The following CDH12 variants were observed in gnomAD, a reference collection of about 807,000 sequenced individuals.
The protein encoded by CDH12 is cadherin-12.
A neutral mutation model predicts 74.1 loss-of-function variants in CDH12; 41 were observed. That is an observed-to-expected ratio of 0.55 (90% CI 0.43 to 0.72). The LOEUF (loss-of-function observed/expected upper bound fraction) is 0.72, where lower values mean the gene tolerates loss of function less well. Among genes scored for constraint, CDH12 ranks in the 30% least tolerant of loss-of-function variants. The probability of loss-of-function intolerance (pLI) is 0.00; values close to 1 mark genes in which losing one functional copy is unlikely to be tolerated. For missense variants in CDH12, 945 were observed against 977.2 expected (o/e 0.97, Z 0.44); for synonymous variants, 399 against 355.0 (o/e 1.12, Z -1.39).
At chr5:22,372,129 A>T (rs1453351286) in intron 3 of CDH12, among the ~76,000 whole-genome samples, 1 of 152,176 alleles carries the variant, frequency 6.6e-6, no homozygotes, top group Non-Finnish European at 1.5e-5. Flanking sequence ...GATGAAGAAA[A>T]TGCTAACCAG....
chr5:22,126,147 A>T (rs981950005), intron 4 of CDH12, among the ~76,000 whole-genome samples: 14 of 152,302 alleles, frequency 9.2e-5, no homozygotes, highest in African/African-American at 3.4e-4. Flanking sequence ...ATAAGTACAC[A>T]TGTATTAATC....
At chr5:22,828,452 T>G (rs1195928544) in intron 1 of CDH12, among the ~76,000 whole-genome samples, 1 of 152,188 alleles carries the variant, frequency 6.6e-6, no homozygotes, top group Non-Finnish European at 1.5e-5. Flanking sequence ...TAAATGCTAA[T>G]CTACATATCC....
intron 1 of CDH12, among the ~76,000 whole-genome samples, chr5:22,702,243 C>T (rs138062181): frequency 7.8e-4 from 118 of 152,192 alleles, no homozygotes; most frequent in African/African-American, 2.7e-3. Context: ...TGGAAAGACT[C>T]CCAGCTCCAT....
In CDH12 at chr5:22,750,346, G is replaced by T. The variant is rs144436635; in HGVS notation, c.-523+102712C>A. 2.1e-3 allele frequency among the ~76,000 whole-genome samples: 320 copies of T among 152,264 alleles called. 1 individual carries two copies. Among genetic ancestry groups the T allele is most frequent in the Non-Finnish European group, 3.3e-3 (225 of 68,012 alleles). ...AACTATAGGTAAGGGCAAGCCATTT[G>T]CAGTCCATAAACCTTGGGTGTAACT... is the stretch of plus-strand genomic sequence containing the variant. On this transcript the variant is annotated intron_variant, in intron 1 of 14. Transcript: ENST00000382254.
chr5:21,790,056 G>A (rs115896620), intron 10 of CDH12, among the ~76,000 whole-genome samples: 1,601 of 152,164 alleles, frequency 0.011, 23 homozygotes, highest in African/African-American at 0.035. Flanking sequence ...CTGATTTGAT[G>A]AGGACTTTCT....
chr5:21,848,131 T>C (rs1302624804), intron 7 of CDH12, among the ~76,000 whole-genome samples: 1 of 152,112 alleles, frequency 6.6e-6, no homozygotes, highest in Non-Finnish European at 1.5e-5. Context: ...TTGACCCAAA[T>C]ACTCATGATG....
chr5:22,593,178 G>A (rs948947267), intron 1 of CDH12, among the ~76,000 whole-genome samples: 32 of 152,096 alleles, frequency 2.1e-4, no homozygotes, highest in African/African-American at 5.3e-4. Context: ...ATGGGACACC[G>A]TCTACTCTTG....
At chr5:22,241,679 G>T (rs996914408) in intron 3 of CDH12, among the ~76,000 whole-genome samples, 4 of 151,922 alleles carry the variant, frequency 2.6e-5, no homozygotes, top group African/African-American at 7.2e-5. Context: ...ACAATTACAA[G>T]ATCTACTATC....
At chr5:22,358,957 A>G (rs928860882) in intron 3 of CDH12, among the ~76,000 whole-genome samples, 1 of 152,212 alleles carries the variant, frequency 6.6e-6, no homozygotes. Flanking sequence ...TATTTTAAAA[A>G]CCAGCCACTG....
rs376857393 is a variant in CDH12, at chr5:22,263,624, C to A, written c.-332-50981G>T. Among the ~76,000 whole-genome samples the A allele has an allele frequency of 1.4e-4, 22 of 152,112 alleles. No homozygotes were observed. The East Asian group carries it at 3.3e-3, about 23-fold the overall frequency. ...TGTTTTTATTAGAAATGCAATGATA[C>A]AATTTTTAATTTCACCTGATGACCT... On this transcript the variant is annotated intron_variant, in intron 3 of 14. Coordinates refer to ENST00000382254, the MANE Select transcript of CDH12 (RefSeq NM_004061.5).
intron 1 of CDH12, among the ~76,000 whole-genome samples, chr5:22,811,498 A>G (rs983973555): frequency 6.6e-5 from 10 of 152,184 alleles, no homozygotes; most frequent in Admixed American, 6.6e-5. Flanking sequence ...TGATTTGCCC[A>G]GTGATAAAAT....
At chr5:21,753,781 A>C (rs1744231769) in intron 14 of CDH12, among the ~76,000 whole-genome samples, 1 of 152,232 alleles carries the variant, frequency 6.6e-6, no homozygotes. Context: ...AATGAGTGGC[A>C]GATGGTAGTA....
intron 1 of CDH12, among the ~76,000 whole-genome samples, chr5:22,520,250 T>C (rs1388623270): frequency 6.6e-6 from 1 of 152,176 alleles, no homozygotes; most frequent in Non-Finnish European, 1.5e-5. Flanking sequence ...TAAAAATTTA[T>C]TTTTATTTAC....
intron 4 of CDH12, among the ~76,000 whole-genome samples, chr5:22,080,629 G>T (rs1349330663): frequency 2.0e-5 from 3 of 152,070 alleles, no homozygotes; most frequent in Non-Finnish European, 2.9e-5. Context: ...TTGGGATCAT[G>T]ATGTGCTCTA....
At chr5:21,924,384 C>T (rs925710693) in intron 6 of CDH12, among the ~76,000 whole-genome samples, 21 of 152,044 alleles carry the variant, frequency 1.4e-4, no homozygotes, top group Admixed American at 2.0e-4. Flanking sequence ...GGAGTGGTGG[C>T]GGGAACCTGT....
intron 10 of CDH12, among the ~76,000 whole-genome samples, chr5:21,792,469 A>G (rs949861971): frequency 6.6e-5 from 10 of 151,774 alleles, no homozygotes; most frequent in Non-Finnish European, 1.2e-4. Context: ...TAAATTTCCC[A>G]TTTGTACACA....
intron 1 of CDH12, among the ~76,000 whole-genome samples, chr5:22,765,812 T>C (rs779753091): frequency 1.5e-4 from 23 of 151,488 alleles, no homozygotes; most frequent in Non-Finnish European, 2.4e-4. Context: ...GTATATAGAG[T>C]TCCTTAAAGA....
At chr5:21,842,034 A>G (rs951546317) in intron 8 of CDH12, 127 bp downstream of exon 8, 28 of 735,386 alleles carry the variant, frequency 3.8e-5, no homozygotes, top group Non-Finnish European at 6.1e-5. Flanking sequence ...GTAATTTTTA[A>G]TCCATTAGCT....
At chr5:22,625,424 C>T (rs1353915368) in intron 1 of CDH12, among the ~76,000 whole-genome samples, 1 of 152,148 alleles carries the variant, frequency 6.6e-6, no homozygotes, top group Admixed American at 6.5e-5. Flanking sequence ...GTGCACAACC[C>T]ACGATCCCAT....
Sources: gnomAD v4.1 joint callset for allele counts (sites outside exome capture counted in the v4.1 genomes callset) on GRCh38, gnomAD v4.1.1 for gene constraint, MANE v1.5 for transcripts, NCBI Gene and HGNC (gene_info 2026-07-23, HGNC 2026-07-21) for gene names.